Variants in CSMD2 observed in about 807,000 individuals in gnomAD.
CSMD2 encodes the protein CUB and Sushi multiple domains 2, also known as CUB and sushi domain-containing protein 2.
In CSMD2, 130 loss-of-function variants were observed where a neutral mutation model predicts 398.5. The observed-to-expected ratio is 0.33, with a 90% CI of 0.28 to 0.38. CSMD2 has a LOEUF of 0.38. CSMD2 is among the 10% of genes least tolerant of loss of function. CSMD2 has a pLI of 1.00. For missense variants in CSMD2, 3,829 were observed against 4,764.9 expected, an observed-to-expected ratio of 0.80 and a Z score of 5.78; for synonymous variants, 1,828 against 1,908.5, an observed-to-expected ratio of 0.96 and a Z score of 1.10.
intron 9 of CSMD2, among the ~76,000 whole-genome samples, chr1:33,811,265 CCTGT>C (rs1656838426): frequency 6.6e-6 from 1 of 152,184 alleles, no homozygotes; most frequent in African/African-American, 2.4e-5. Flanking sequence ...ACTCTGCTGA[CCTGT>C]CTGTTTCCCA....
chr1:33,581,953 T>A (rs1363767350), intron 47 of CSMD2, among the ~76,000 whole-genome samples: 3 of 152,100 alleles, frequency 2.0e-5, no homozygotes, highest in Non-Finnish European at 2.9e-5. Flanking sequence ...CTGGGAGAAG[T>A]GGCATGCTGG....
chr1:33,771,209 A>G (rs1651212632), intron 13 of CSMD2, among the ~76,000 whole-genome samples: 1 of 151,964 alleles, frequency 6.6e-6, no homozygotes, highest in South Asian at 2.1e-4. Context: ...GTGTACCTTT[A>G]TCTTCTCAGG....
chr1:33,773,363 A>T (rs1393688119), intron 12 of CSMD2, among the ~76,000 whole-genome samples: 1 of 152,226 alleles, frequency 6.6e-6, no homozygotes, highest in African/African-American at 2.4e-5. Flanking sequence ...CCTTAATTCA[A>T]TTTGCAATGG....
chr1:33,636,592 A>C lies in CSMD2; in HGVS notation c.4775-38T>G. 6.4e-7 allele frequency: 1 copy of C among 1,569,500 alleles called. No homozygotes were observed. Among genetic ancestry groups the C allele is most frequent in the Non-Finnish European group, 8.7e-7 (1 of 1,143,358 alleles). ...AATACAAACACGTGCACACACACAG[A>C]GGGCTCATGAGGAGGCTATTCTTGG... On this transcript the variant is annotated intron_variant, in intron 29 of 70. Transcript: ENST00000373381. This position sits in a 1 kb window ranked among gnomAD's most constrained non-coding sequence, Gnocchi z 4.8.
At chr1:33,896,434 G>A (rs554199148) in intron 5 of CSMD2, among the ~76,000 whole-genome samples, 2 of 152,294 alleles carry the variant, frequency 1.3e-5, no homozygotes, top group Admixed American at 1.3e-4. Context: ...GGGCAAACCA[G>A]GTAGAGAGAT....
intron 29 of CSMD2, among the ~76,000 whole-genome samples, chr1:33,644,725 G>C (rs1318468303): frequency 6.6e-6 from 1 of 152,262 alleles, no homozygotes; most frequent in Non-Finnish European, 1.5e-5. Context: ...GGATGGTGGT[G>C]GTGGGAGCAA....
rs74733932 is a variant in CSMD2 at position 34,142,324 on chromosome 1, T to C, written c.187+22587A>G. Among the ~76,000 whole-genome samples the C allele has an allele frequency of 2.6e-3, 389 of 152,232 alleles. 2 individuals are homozygous for C. Among genetic ancestry groups the C allele is most frequent in the East Asian group, 0.025 (128 of 5,166 alleles). ...GGTCTGCAGGATCAAATCAGACAACTTGTCCTTGGAGCCAAGGCCCAAGAT... is the reference window on the plus strand; with the variant it reads ...GGTCTGCAGGATCAAATCAGACAACCTGTCCTTGGAGCCAAGGCCCAAGAT... On this transcript the variant is annotated intron_variant, in intron 1 of 70. Transcript: ENST00000373381.
At position 33,694,858 on chromosome 1, in the gene CSMD2, A is replaced by G. The variant is rs796869897; in HGVS notation, c.3926-1802T>C. 2.6e-5 allele frequency among the ~76,000 whole-genome samples: 4 copies of G among 152,306 alleles called. No individual in the cohort carries two copies. In the South Asian group the frequency reaches 6.2e-4, roughly 24 times the overall value. On this transcript the variant is annotated intron_variant, in intron 24 of 70. Transcript: ENST00000373381. ...TAGGGAGGAACATGCAAGTACTTCA[A>G]CCTGCTTCTTGATAGCAACAGGACC...
chr1:33,653,432 C>G (rs1345812804), intron 27 of CSMD2, among the ~76,000 whole-genome samples: 4 of 152,246 alleles, frequency 2.6e-5, no homozygotes, highest in Non-Finnish European at 5.9e-5. Context: ...GCTGCCAGTG[C>G]TCCTGGCATC....
At chr1:33,782,636 G>C (rs913742738) in intron 12 of CSMD2, among the ~76,000 whole-genome samples, 1 of 152,160 alleles carries the variant, frequency 6.6e-6, no homozygotes. Flanking sequence ...AAAGGGAATT[G>C]AGAGGGTGCT....
intron 1 of CSMD2, 23 bp from the exon 2 acceptor site, chr1:34,089,216 T>C: frequency 6.2e-7 from 1 of 1,603,168 alleles, no homozygotes; most frequent in South Asian, 1.1e-5. Context: ...AATGGAGCAG[T>C]TCAGAATAGC....
intron 10 of CSMD2, among the ~76,000 whole-genome samples, chr1:33,801,280 C>T (rs1655575250): frequency 6.6e-6 from 1 of 152,094 alleles, no homozygotes; most frequent in Admixed American, 6.5e-5. Flanking sequence ...TCAAGTGAGG[C>T]TCATGTGCAA....
chr1:33,790,546 T>C (rs993616675), intron 11 of CSMD2, among the ~76,000 whole-genome samples: 2 of 152,214 alleles, frequency 1.3e-5, no homozygotes, highest in African/African-American at 2.4e-5. Flanking sequence ...CATTATTGAC[T>C]ATCCTGGGTT....
chr1:33,828,081 T>G (rs1659031868), intron 6 of CSMD2, among the ~76,000 whole-genome samples: 1 of 152,228 alleles, frequency 6.6e-6, no homozygotes, highest in African/African-American at 2.4e-5. Context: ...CAAGTCACTG[T>G]GTAATCTGAA....
intron 39 of CSMD2, 119 bp from the exon 40 acceptor site, chr1:33,614,739 C>T (rs1265538390): frequency 9.9e-6 from 6 of 608,208 alleles, no homozygotes; most frequent in Admixed American, 3.1e-5. Context: ...TCATATAGCC[C>T]CTTGAGAATC....
chr1:33,543,266 C>T (rs962923883), intron 57 of CSMD2, among the ~76,000 whole-genome samples: 5 of 152,222 alleles, frequency 3.3e-5, no homozygotes, highest in Non-Finnish European at 7.3e-5. Context: ...ATAGGGTCCA[C>T]ACATGACATT....
At chr1:33,705,329 A>C (rs1431777518) in intron 22 of CSMD2, among the ~76,000 whole-genome samples, 1 of 152,160 alleles carries the variant, frequency 6.6e-6, no homozygotes. Context: ...TGTAACGTGC[A>C]ATACATCTCA....
At chr1:33,693,894 C>T (rs1238973393) in intron 24 of CSMD2, among the ~76,000 whole-genome samples, 3 of 152,062 alleles carry the variant, frequency 2.0e-5, no homozygotes, top group African/African-American at 7.2e-5. Context: ...CCCATCTCTA[C>T]TAAAAATACA....
At position 33,977,372 on chromosome 1, in the gene CSMD2, A is replaced by C. The variant is rs371524026; in HGVS notation, c.518-41418T>G. On this transcript the variant is annotated intron_variant, in intron 3 of 70. Transcript: ENST00000373381. Reference sequence around the variant, plus strand: ...TTACCCAGCAAACTCTCCTCAGTCCATCCCTCCATCAGGGCAGAACAGGAC... The same window carrying C: ...TTACCCAGCAAACTCTCCTCAGTCCCTCCCTCCATCAGGGCAGAACAGGAC... Among the ~76,000 whole-genome samples, 13 of 151,788 alleles carry C rather than the reference A, an allele frequency of 8.6e-5. No homozygotes were observed. The East Asian group carries it at 2.0e-3, about 23-fold the overall frequency.
Sources: gnomAD v4.1 joint callset for allele counts (sites outside exome capture counted in the v4.1 genomes callset) on GRCh38, gnomAD v4.1.1 for gene constraint, Gnocchi (gnomAD v3.1) non-coding constraint, MANE v1.5 for transcripts, NCBI Gene and HGNC (gene_info 2026-07-23, HGNC 2026-07-21) for gene names.